JAZF1: variants seen among roughly 807,000 people sequenced by gnomAD.
JAZF1 encodes juxtaposed with another zinc finger protein 1.
In JAZF1, 8 loss-of-function variants were observed where a neutral mutation model predicts 26.4. That is an observed-to-expected ratio of 0.30 (90% CI 0.18 to 0.55). The LOEUF (loss-of-function observed/expected upper bound fraction) is 0.55. JAZF1 is among the 20% of genes least tolerant of loss of function. JAZF1 has a pLI of 0.94. For synonymous variants in JAZF1, 126 were observed against 122.3 expected (o/e 1.03, Z -0.20); for missense variants, 199 against 322.0 (o/e 0.62, Z 2.92).
chr7:27,904,558 T>C (rs1197615323), intron 2 of JAZF1, among the ~76,000 whole-genome samples: 1 of 152,338 alleles, frequency 6.6e-6, no homozygotes, highest in Non-Finnish European at 1.5e-5. Context: ...TTTCTAGTAA[T>C]GCTTTAAATA....
chr7:28,137,299 C>T (rs192645646), intron 1 of JAZF1, among the ~76,000 whole-genome samples: 15 of 152,268 alleles, frequency 9.9e-5, no homozygotes, highest in East Asian at 1.9e-4. Context: ...CCACTCTCAC[C>T]GCTGTGAAAA....
intron 1 of JAZF1, among the ~76,000 whole-genome samples, chr7:28,011,560 G>A (rs991270297): frequency 8.5e-5 from 13 of 152,160 alleles, no homozygotes; most frequent in African/African-American, 3.1e-4. Context: ...AAACATTTAC[G>A]TCATCTTTGA....
intron 1 of JAZF1, among the ~76,000 whole-genome samples, chr7:28,136,352 A>G (rs906974126): frequency 1.2e-4 from 18 of 152,224 alleles, no homozygotes; most frequent in African/African-American, 3.1e-4. Flanking sequence ...CTTATCTCCC[A>G]TATTGAACCA....
intron 1 of JAZF1, among the ~76,000 whole-genome samples, chr7:28,101,146 T>C (rs1784464709): frequency 6.6e-6 from 1 of 152,206 alleles, no homozygotes; most frequent in Non-Finnish European, 1.5e-5. Flanking sequence ...ATAGAGGCAT[T>C]GGAAATACAG....
At chr7:27,882,180 T>C (rs1006026816) in intron 3 of JAZF1, among the ~76,000 whole-genome samples, 1 of 152,092 alleles carries the variant, frequency 6.6e-6, no homozygotes, top group Non-Finnish European at 1.5e-5. Context: ...GGTACTGAGA[T>C]AGAAAACACA....
chr7:27,835,829 A>T (rs1020979393), intron 4 of JAZF1, among the ~76,000 whole-genome samples: 6 of 152,266 alleles, frequency 3.9e-5, no homozygotes, highest in African/African-American at 9.6e-5. Flanking sequence ...TTAGTAAAAA[A>T]AAATAAATAA....
intron 3 of JAZF1, among the ~76,000 whole-genome samples, chr7:27,876,719 A>G (rs1783686531): frequency 1.3e-5 from 2 of 152,228 alleles, no homozygotes; most frequent in Admixed American, 6.5e-5. Context: ...CAGACTAGGT[A>G]TAAAACGCAA....
intron 2 of JAZF1, among the ~76,000 whole-genome samples, chr7:27,934,905 A>G (rs1425472989): frequency 6.6e-6 from 1 of 152,246 alleles, no homozygotes; most frequent in Non-Finnish European, 1.5e-5. Flanking sequence ...TCGTCAAGTA[A>G]GTGAAGACAA....
At chr7:27,924,844 G>T (rs1054767514) in intron 2 of JAZF1, among the ~76,000 whole-genome samples, 1 of 152,210 alleles carries the variant, frequency 6.6e-6, no homozygotes, top group Non-Finnish European at 1.5e-5. Context: ...TAAGACAATG[G>T]TGAGTTAGTT....
At chr7:27,991,702 T>C (rs1428077035) in intron 2 of JAZF1, among the ~76,000 whole-genome samples, 1 of 152,212 alleles carries the variant, frequency 6.6e-6, no homozygotes, top group Non-Finnish European at 1.5e-5. Flanking sequence ...AAATCAGTCA[T>C]GTTTGCAGCA....
At chr7:27,987,919 G>T (rs1354882373) in intron 2 of JAZF1, among the ~76,000 whole-genome samples, 1 of 152,180 alleles carries the variant, frequency 6.6e-6, no homozygotes, top group African/African-American at 2.4e-5. Context: ...AACACGTGCT[G>T]TGTCAACTCA....
At chr7:28,058,640 A>C (rs970762712) in intron 1 of JAZF1, among the ~76,000 whole-genome samples, 1 of 152,204 alleles carries the variant, frequency 6.6e-6, no homozygotes, top group Non-Finnish European at 1.5e-5. Context: ...CTATTCAGCT[A>C]TATCCCATAA....
chr7:28,120,022 A>C (rs1784813283), intron 1 of JAZF1, among the ~76,000 whole-genome samples: 1 of 152,116 alleles, frequency 6.6e-6, no homozygotes, highest in African/African-American at 2.4e-5. Flanking sequence ...TGTTCCCTCT[A>C]ACCCTGCCAT....
At chr7:27,899,207 G>T (rs1386360948) in intron 2 of JAZF1, among the ~76,000 whole-genome samples, 1 of 152,200 alleles carries the variant, frequency 6.6e-6, no homozygotes, top group Non-Finnish European at 1.5e-5. Flanking sequence ...GAGCCATTTG[G>T]GGAGACAAAA....
chr7:28,075,138 A>C (rs944349519), intron 1 of JAZF1, among the ~76,000 whole-genome samples: 1 of 152,206 alleles, frequency 6.6e-6, no homozygotes, highest in African/African-American at 2.4e-5. Context: ...ATGACCCGGC[A>C]AATCAACACA....
chr7:28,151,738 C>A (rs1224342766), intron 1 of JAZF1, among the ~76,000 whole-genome samples: 1 of 151,834 alleles, frequency 6.6e-6, no homozygotes, highest in Non-Finnish European at 1.5e-5. Context: ...TTGCAGTGAG[C>A]CGAGATCATG....
intron 1 of JAZF1, among the ~76,000 whole-genome samples, chr7:28,085,799 GA>G (rs968161479): frequency 3.3e-5 from 5 of 152,200 alleles, no homozygotes; most frequent in African/African-American, 1.2e-4. Context: ...TTGATACCAA[GA>G]AGAAAATTTG....
chr7:28,061,954 T>C (rs749009511), intron 1 of JAZF1, among the ~76,000 whole-genome samples: 3 of 152,230 alleles, frequency 2.0e-5, no homozygotes, highest in East Asian at 3.8e-4. Context: ...AGAAATGTGA[T>C]TGGACACAAA....
intron 2 of JAZF1, among the ~76,000 whole-genome samples, chr7:27,978,716 T>C (rs1318902137): frequency 6.6e-6 from 1 of 152,160 alleles, no homozygotes; most frequent in Admixed American, 6.5e-5. Context: ...GAGAATTATA[T>C]TACTCCTCTT....
Sources: allele counts gnomAD v4.1 joint callset (sites outside exome capture counted in the v4.1 genomes callset), GRCh38; gene constraint gnomAD v4.1.1; transcripts MANE v1.5; gene names NCBI Gene and HGNC (gene_info 2026-07-23, HGNC 2026-07-21).